RBM25: variants seen among roughly 807,000 people sequenced by gnomAD.
The protein encoded by RBM25 is RNA-binding protein 25.
RBM25 carries 19 observed loss-of-function variants against 120.7 expected under a neutral mutation model. The observed-to-expected ratio is 0.16, with a 90% CI of 0.11 to 0.23. RBM25 has a LOEUF of 0.23. Ranked by LOEUF, RBM25 falls within the 10% of genes least tolerant of loss-of-function variation. RBM25 has a pLI of 1.00. For synonymous variants in RBM25, 390 were observed against 326.7 expected (o/e 1.19, Z -2.09); for missense variants, 605 against 1,041.5 (o/e 0.58, Z 5.77).
chr14:73,090,844 G>A (rs1307632086), intron 6 of RBM25, among the ~76,000 whole-genome samples: 1 of 152,090 alleles, frequency 6.6e-6, no homozygotes, highest in Admixed American at 6.5e-5. Flanking sequence ...GTTAATAGAC[G>A]CTTATCTGTC....
chr14:73,071,046 A>T (rs965119576), intron 1 of RBM25, among the ~76,000 whole-genome samples: 5 of 151,222 alleles, frequency 3.3e-5, no homozygotes, highest in Non-Finnish European at 7.4e-5. Context: ...GATGGAGACC[A>T]TCCTGGCCAA....
chr14:73,114,555 T>C (rs1481090075), intron 18 of RBM25, among the ~76,000 whole-genome samples: 1 of 152,094 alleles, frequency 6.6e-6, no homozygotes, highest in African/African-American at 2.4e-5. Flanking sequence ...TTAATTAACA[T>C]CTATATAAAC....
At chr14:73,086,187 C>A (rs576631880) in intron 5 of RBM25, among the ~76,000 whole-genome samples, 1 of 152,060 alleles carries the variant, frequency 6.6e-6, no homozygotes, top group South Asian at 2.1e-4. Flanking sequence ...GTGGCTCGAG[C>A]TTGTAATCCC....
chr14:73,119,260 A>C (rs1294673787), intron 18 of RBM25, among the ~76,000 whole-genome samples: 1 of 151,914 alleles, frequency 6.6e-6, no homozygotes, highest in Non-Finnish European at 1.5e-5. Context: ...ACAACCTTAA[A>C]ACTTTTTTGT....
intron 7 of RBM25, 45 bp downstream of exon 7, chr14:73,097,145 T>A: frequency 2.1e-6 from 3 of 1,443,248 alleles, no homozygotes; most frequent in Non-Finnish European, 2.8e-6. Flanking sequence ...GTTTGTTTTT[T>A]ATGATATCAC....
chr14:73,087,580 A>G (rs752738659), intron 5 of RBM25, among the ~76,000 whole-genome samples: 4 of 151,402 alleles, frequency 2.6e-5, no homozygotes, highest in Admixed American at 6.6e-5. Context: ...TATTTTTAGT[A>G]GAGACGGGGT....
chr14:73,097,777 A>G (rs1895981092), intron 7 of RBM25, among the ~76,000 whole-genome samples: 2 of 152,180 alleles, frequency 1.3e-5, no homozygotes, highest in South Asian at 4.1e-4. Flanking sequence ...TCCCTGAACA[A>G]TAATGGTATT....
At chr14:73,092,119 T>TA (rs545775837) in intron 6 of RBM25, among the ~76,000 whole-genome samples, 3 of 151,632 alleles carry the variant, frequency 2.0e-5, no homozygotes, top group Middle Eastern at 3.4e-3. Flanking sequence ...CTATCTGATG[T>TA]AAAAAAAAAT....
chr14:73,086,707 ACTTTT>A (rs1353909854), intron 5 of RBM25, among the ~76,000 whole-genome samples: 1 of 151,966 alleles, frequency 6.6e-6, no homozygotes, highest in Non-Finnish European at 1.5e-5. Context: ...ATTTAAAATT[ACTTTT>A]CTTTTTTTTT....
At chr14:73,065,747 G>A (rs2140421560) in intron 1 of RBM25, among the ~76,000 whole-genome samples, 1 of 151,668 alleles carries the variant, frequency 6.6e-6, no homozygotes, top group Middle Eastern at 3.4e-3. Context: ...GGAGACAGGG[G>A]TTTCACCATT....
In RBM25 at chr14:73,122,515, A is replaced by T. The variant is rs1204512806; in HGVS notation, c.*2710A>T. The stretch of plus-strand genomic sequence containing the variant: ...GGTCTCAAACTCCTGACCTCAGGTG[A>T]TCCACCCGCCTCAGCCTCCCAAAGT... On this transcript the variant is annotated 3_prime_UTR_variant, in exon 19 of 19. Coordinates refer to ENST00000261973, the MANE Select transcript of RBM25 (RefSeq NM_021239.3). 1 of 152,018 alleles carries T rather than the reference A, an allele frequency of 6.6e-6. No homozygotes were observed. Among genetic ancestry groups the T allele is most frequent in the Non-Finnish European group, 1.5e-5 (1 of 68,042 alleles). 9.4% of individuals were successfully genotyped at this position (152,018 alleles called of 1,614,324 possible). A position where few individuals can be genotyped will look rare whatever the true frequency, so the allele number is the denominator to read the frequency against.
chr14:73,067,177 C>G (rs1328695367), intron 1 of RBM25, among the ~76,000 whole-genome samples: 1 of 150,548 alleles, frequency 6.6e-6, no homozygotes, highest in African/African-American at 2.4e-5. Context: ...TCAAGCGATT[C>G]TCCTGCCTCA....
intron 2 of RBM25, among the ~76,000 whole-genome samples, chr14:73,075,930 G>T (rs1466649051): frequency 6.6e-6 from 1 of 151,884 alleles, no homozygotes; most frequent in East Asian, 1.9e-4. Context: ...ACAGGCGTGA[G>T]CCACCGTGCC....
intron 2 of RBM25, among the ~76,000 whole-genome samples, chr14:73,072,507 T>C (rs1440727491): frequency 6.6e-6 from 1 of 152,178 alleles, no homozygotes; most frequent in African/African-American, 2.4e-5. Flanking sequence ...TTAAAAAAAA[T>C]GTTCAGACCC....
intron 6 of RBM25, among the ~76,000 whole-genome samples, chr14:73,090,359 C>T (rs933829680): frequency 2.6e-5 from 4 of 152,090 alleles, no homozygotes; most frequent in African/African-American, 7.2e-5. Flanking sequence ...CCATAAAGTC[C>T]ATATTTTTAG....
intron 1 of RBM25, among the ~76,000 whole-genome samples, chr14:73,061,197 A>G (rs1444790332): frequency 6.6e-6 from 1 of 150,986 alleles, no homozygotes; most frequent in Non-Finnish European, 1.5e-5. Context: ...AGCTGGAATT[A>G]TAGGTGCCTG....
At chr14:73,086,785 A>G (rs974185836) in intron 5 of RBM25, among the ~76,000 whole-genome samples, 1 of 152,108 alleles carries the variant, frequency 6.6e-6, no homozygotes, top group Non-Finnish European at 1.5e-5. Context: ...GCTTACTGCA[A>G]CTTCTGCCTC....
chr14:73,085,509 A>G (rs1895663969), intron 5 of RBM25, among the ~76,000 whole-genome samples: 1 of 149,506 alleles, frequency 6.7e-6, no homozygotes, highest in Non-Finnish European at 1.5e-5. Context: ...CGATGGCACC[A>G]TCTCAGCTCG....
rs758475038 is a variant in RBM25 at position 73,109,503 on chromosome 14, G to A, written c.1692+11G>A. 5.6e-6 allele frequency: 9 copies of A among 1,608,298 alleles called. No individual in the cohort carries two copies. Among genetic ancestry groups the A allele is most frequent in the Admixed American group, 5.1e-5 (3 of 58,722 alleles). ...GCAGAGCTCCAGAGGGTAAGATACT[G>A]TACCATCTGGTCGGGCGCGGTGGCT... is the stretch of plus-strand genomic sequence containing the variant. On this transcript the variant is annotated intron_variant, in intron 14 of 18. Transcript: ENST00000261973.
Sources: gnomAD v4.1 joint callset for allele counts (sites outside exome capture counted in the v4.1 genomes callset) on GRCh38, gnomAD v4.1.1 for gene constraint, MANE v1.5 for transcripts, NCBI Gene and HGNC (gene_info 2026-07-23, HGNC 2026-07-21) for gene names.